Variants in FAM13B observed in about 807,000 individuals in gnomAD.
The protein encoded by FAM13B is family with sequence similarity 13 member B.
A neutral mutation model predicts 117.3 loss-of-function variants in FAM13B; 60 were observed. The ratio of observed to expected loss-of-function variants is 0.51; its 90% CI spans 0.42 to 0.63. FAM13B has a LOEUF of 0.63. FAM13B is among the 30% of genes least tolerant of loss of function. FAM13B has a pLI of 0.00. For synonymous variants in FAM13B, 332 were observed against 356.1 expected, an observed-to-expected ratio of 0.93 and a Z score of 0.76; for missense variants, 972 against 1,091.9, an observed-to-expected ratio of 0.89 and a Z score of 1.55.
intron 2 of FAM13B, 112 bp from the exon 3 acceptor site, chr5:138,019,258 T>A: frequency 1.1e-6 from 1 of 916,654 alleles, no homozygotes; most frequent in Non-Finnish European, 1.6e-6. Flanking sequence ...TCTATTTAAA[T>A]GTTCCAGTTA....
chr5:138,005,979 A>C, intron 7 of FAM13B, among the ~76,000 whole-genome samples: 1 of 151,626 alleles, frequency 6.6e-6, no homozygotes, highest in Admixed American at 6.6e-5. Context: ...ACTCACTGCA[A>C]GCTCCGCCTC....
chr5:137,996,428 G>A (rs1035282982), intron 7 of FAM13B, among the ~76,000 whole-genome samples: 15 of 151,766 alleles, frequency 9.9e-5, no homozygotes, highest in East Asian at 1.9e-4. Context: ...CGTGAGCCAC[G>A]GCGCCTGGCC....
chr5:138,018,629 C>T, intron 3 of FAM13B, 115 bp from the exon 4 acceptor site: 1 of 919,426 alleles, frequency 1.1e-6, no homozygotes, highest in South Asian at 1.6e-5. Context: ...TTTCTTGGCT[C>T]CCCTGACTTG....
At chr5:138,027,730 C>G (rs987035091) in intron 1 of FAM13B, among the ~76,000 whole-genome samples, 1 of 152,160 alleles carries the variant, frequency 6.6e-6, no homozygotes, top group African/African-American at 2.4e-5. Context: ...GCTCTGTGTC[C>G]CCACCTAAAT....
At chr5:137,951,678 A>AT (rs896568975) in intron 17 of FAM13B, among the ~76,000 whole-genome samples, 1 of 151,764 alleles carries the variant, frequency 6.6e-6, no homozygotes, top group Admixed American at 6.6e-5. Flanking sequence ...AAAAATATAT[A>AT]TTTTTTTATT....
intron 18 of FAM13B, among the ~76,000 whole-genome samples, chr5:137,946,993 T>C (rs1349187412): frequency 6.6e-6 from 1 of 152,228 alleles, no homozygotes; most frequent in Non-Finnish European, 1.5e-5. Flanking sequence ...TCACAGCTTT[T>C]AGTAGTCTAA....
chr5:138,018,444 T>C lies in FAM13B; in HGVS notation c.228A>G (p.Arg76=). The change falls in exon 4 of 24, where the codon AGA becomes AGG. Residue 76 remains arginine (R), a synonymous_variant. Coordinates refer to ENST00000689681, the MANE Select transcript of FAM13B (RefSeq NM_001385994.1). Reference sequence around the variant, plus strand: ...AATCCACCTCTTCTCCGCTGTCGTATCTCTGCCGAAGCCACTCCACTGTCT... The same window carrying C: ...AATCCACCTCTTCTCCGCTGTCGTACCTCTGCCGAAGCCACTCCACTGTCT... ...NAETVEWLRQ[R]YDSGEEVDLV... 1.2e-6 allele frequency: 2 copies of C among 1,614,172 alleles called. No homozygotes were observed.
At chr5:137,946,539 G>T in intron 18 of FAM13B, 1 of 435,240 alleles carries the variant, frequency 2.3e-6, no homozygotes, top group Non-Finnish European at 4.0e-6. Context: ...CCCCTTTGAT[G>T]GCTTTACATT....
intron 10 of FAM13B, among the ~76,000 whole-genome samples, chr5:137,980,666 C>T (rs1050316345): frequency 1.3e-5 from 2 of 151,538 alleles, no homozygotes; most frequent in African/African-American, 4.8e-5. Context: ...CCTTGAACTC[C>T]TGGGCTCAAG....
intron 1 of FAM13B, among the ~76,000 whole-genome samples, chr5:138,027,267 G>A (rs1395007392): frequency 6.6e-6 from 1 of 152,148 alleles, no homozygotes; most frequent in Non-Finnish European, 1.5e-5. Flanking sequence ...GTTTAAAAGA[G>A]CTATCTCACT....
At chr5:137,984,830 G>A (rs1158782859) in intron 10 of FAM13B, among the ~76,000 whole-genome samples, 7 of 151,224 alleles carry the variant, frequency 4.6e-5, no homozygotes, top group African/African-American at 1.5e-4. Flanking sequence ...GTGCAATGGC[G>A]CAATCTTGGC....
chr5:138,035,984 T>G (rs1663121751), upstream of FAM13B, among the ~76,000 whole-genome samples: 2 of 152,178 alleles, frequency 1.3e-5, no homozygotes, highest in African/African-American at 4.8e-5. Context: ...TATTTACTTC[T>G]TTCCACGCAC....
At chr5:137,987,189 G>A (rs754670958) in intron 9 of FAM13B, among the ~76,000 whole-genome samples, 1 of 151,976 alleles carries the variant, frequency 6.6e-6, no homozygotes. Flanking sequence ...CTAAAGGTAA[G>A]CTTGTTACTT....
At chr5:137,999,067 C>T (rs1471865114) in intron 7 of FAM13B, among the ~76,000 whole-genome samples, 1 of 151,884 alleles carries the variant, frequency 6.6e-6, no homozygotes, top group African/African-American at 2.4e-5. Flanking sequence ...CCCTTGCACT[C>T]AAGGCCTGTA....
intron 10 of FAM13B, among the ~76,000 whole-genome samples, chr5:137,979,127 C>T (rs1303866831): frequency 6.6e-6 from 1 of 152,006 alleles, no homozygotes. Context: ...ATTCTCCAGC[C>T]TCAGCCTCCC....
rs796346266 is a variant in FAM13B, at chr5:137,999,133, A to G, written c.848+7857T>C. Among the ~76,000 whole-genome samples, 915 of 117,108 alleles carry G rather than the reference A, an allele frequency of 7.8e-3. 9 individuals are homozygous for G. The highest frequency in any genetic ancestry group is 0.028 in the African/African-American group (880 of 31,258). 76.8% of individuals were successfully genotyped at this position (117,108 alleles called of 152,430 possible). ...TTTTTTTTTTGTCTTTTTTTTTTTG[A>G]GACAGGGTCCCACTTAGTTGCCCAG... On this transcript the variant is annotated intron_variant, in intron 7 of 23. Transcript: ENST00000689681.
At chr5:137,973,500 A>C (rs1437928187) in intron 10 of FAM13B, among the ~76,000 whole-genome samples, 1 of 152,184 alleles carries the variant, frequency 6.6e-6, no homozygotes, top group Non-Finnish European at 1.5e-5. Flanking sequence ...TAAAACCATA[A>C]AAACCCCAGA....
rs551821977 is a variant in FAM13B at position 138,048,021 on chromosome 5, C to T, written c.-203+3857G>A. The stretch of plus-strand genomic sequence containing the variant: ...TTGCAAAAGATAGTACAGAGAGTTC[C>T]AAGTTTCCCCTAATGCTAGTACCTA... On this transcript the variant is annotated intron_variant, in intron 1 of 3. Transcript: ENST00000502471. 5.3e-5 allele frequency among the ~76,000 whole-genome samples: 8 copies of T among 151,824 alleles called. No individual in the cohort carries two copies. In the East Asian group the frequency reaches 1.5e-3, roughly 29 times the overall value.
chr5:138,031,494 G>A (rs1044270086), intron 1 of FAM13B, among the ~76,000 whole-genome samples: 5 of 152,058 alleles, frequency 3.3e-5, no homozygotes, highest in African/African-American at 1.2e-4. Flanking sequence ...AGACCAGCCT[G>A]GCCAACTTAG....
Sources: gnomAD v4.1 joint callset for allele counts (sites outside exome capture counted in the v4.1 genomes callset) on GRCh38, gnomAD v4.1.1 for gene constraint, MANE v1.5 for transcripts, NCBI Gene and HGNC (gene_info 2026-07-23, HGNC 2026-07-21) for gene names.